RAB11FIP5: variants seen among roughly 807,000 people sequenced by gnomAD.
RAB11FIP5 encodes the protein RAB11 family interacting protein 5.
In RAB11FIP5, 48 loss-of-function variants were observed where a neutral mutation model predicts 85.1. The observed-to-expected ratio is 0.56, with a 90% CI of 0.45 to 0.72. The LOEUF (loss-of-function observed/expected upper bound fraction) is 0.72, where lower values mean the gene tolerates loss of function less well. RAB11FIP5 is among the 30% of genes least tolerant of loss of function. The pLI, the probability that RAB11FIP5 is intolerant of heterozygous loss-of-function variation, is 0.00. For missense variants in RAB11FIP5, 1,491 were observed against 1,687.0 expected, an observed-to-expected ratio of 0.88 and a Z score of 2.04; for synonymous variants, 729 against 727.3, an observed-to-expected ratio of 1.00 and a Z score of -0.04.
chr2:73,102,497 T>A (rs559681837), intron 1 of RAB11FIP5, among the ~76,000 whole-genome samples: 5 of 152,008 alleles, frequency 3.3e-5, no homozygotes, highest in East Asian at 3.9e-4. Context: ...TTAAAAAAAT[T>A]TTTTTTTAAG....
Position 73,078,415 on chromosome 2 carries a change from A to T in RAB11FIP5, c.3581+1236T>A, listed in dbSNP as rs13394310. Reference sequence around the variant, plus strand: ...ATTATTAGAGGTCATGCTGGCAGACAGCAGGGCCAGCCGAGGACACTGCAA... The same window carrying T: ...ATTATTAGAGGTCATGCTGGCAGACTGCAGGGCCAGCCGAGGACACTGCAA... On this transcript the variant is annotated intron_variant, in intron 4 of 5. Transcript: ENST00000486777. The surrounding 1 kb of genome is among the most constrained non-coding windows in gnomAD (Gnocchi z 4.4). Among the ~76,000 whole-genome samples, 4,640 of 152,296 alleles carry T rather than the reference A, an allele frequency of 0.03. 234 individuals are homozygous for T. The highest frequency in any genetic ancestry group is 0.11 in the African/African-American group (4,382 of 41,536).
chr2:73,079,230 G>A (rs560332013), intron 4 of RAB11FIP5, among the ~76,000 whole-genome samples: 3 of 152,070 alleles, frequency 2.0e-5, no homozygotes, highest in East Asian at 1.9e-4. Flanking sequence ...GCTCTGCCAC[G>A]GTCTGCCCCA....
At chr2:73,104,572 A>C (rs1684488482) in intron 1 of RAB11FIP5, among the ~76,000 whole-genome samples, 1 of 152,148 alleles carries the variant, frequency 6.6e-6, no homozygotes, top group Admixed American at 6.5e-5. Flanking sequence ...TGTCTCAAAA[A>C]ACAAAACAAA....
At position 73,076,114 on chromosome 2, in the gene RAB11FIP5, G is replaced by A; in HGVS notation, c.3650C>T (p.Ser1217Phe). The A allele has an allele frequency of 6.2e-7, 1 of 1,614,086 alleles. No individual in the cohort carries two copies. The change falls in exon 5 of 6, where the codon TCC becomes TTC. Residue 1217 changes from serine (S) to phenylalanine (F), a missense_variant. Ser to Phe is a radical substitution (Grantham distance 155). Transcript: ENST00000486777. ...EGSPDRKQSR[S>F]SLSIALSSGL... ...ACTGCTCAGGGCTATGCTCAGACTG[G>A]AGCGGGACTGCTTCCTGTCGGGGCT...
Position 73,076,048 on chromosome 2 carries a change from T to C in RAB11FIP5, c.3716A>G (p.Gln1239Arg), listed in dbSNP as rs772598182. ...KLKTVTSGSI[Q>R]PVTQAPQAGQ... ...AGCCTGGGGGGCCTGGGTCACAGGCTGAATGCTCCCAGATGTGACTGTTTT... is the reference window on the plus strand; with the variant it reads ...AGCCTGGGGGGCCTGGGTCACAGGCCGAATGCTCCCAGATGTGACTGTTTT... Residue 1239 changes from glutamine to arginine, a missense_variant, in exon 5 of 6, where the codon CAG (glutamine) becomes CGG (arginine). Physicochemically the swap from Gln to Arg is conservative, Grantham distance 43 (BLOSUM62 1). Around this residue, in one of 3 missense-constraint regions of RAB11FIP5, gnomAD observed 232 missense variants for 259.1 expected, o/e 0.90. Transcript: ENST00000486777. 1 of 1,614,132 alleles carries C rather than the reference T, an allele frequency of 6.2e-7. No individual in the cohort carries two copies. Among genetic ancestry groups the C allele is most frequent in the South Asian group, 1.1e-5 (1 of 91,088 alleles).
rs1559231134 is a variant in RAB11FIP5 at position 73,075,762 on chromosome 2, A to AGGCCTGCC, written c.3772-46_3772-39dup. 2 of 1,469,672 alleles carry AGGCCTGCC rather than the reference A, an allele frequency of 1.4e-6. No homozygotes were observed. Among genetic ancestry groups the AGGCCTGCC allele is most frequent in the Non-Finnish European group, 1.8e-6 (2 of 1,101,032 alleles). The allele number at this position is 1,469,672 out of a possible 1,614,324, so 91.0% of individuals were successfully genotyped here. On this transcript the variant is annotated intron_variant, in intron 5 of 5. Transcript: ENST00000486777. This position sits in a 1 kb window ranked among gnomAD's most constrained non-coding sequence, Gnocchi z 4.6. ...CGAAGACAGTGAGCAGGGCAGCCCT[A>AGGCCTGCC]GGCCTGCCTGCCTGCCTGCCCGCTT...
At chr2:73,083,416 CG>C in intron 3 of RAB11FIP5, among the ~76,000 whole-genome samples, 1 of 152,156 alleles carries the variant, frequency 6.6e-6, no homozygotes, top group Non-Finnish European at 1.5e-5. Flanking sequence ...AGGGATTTCT[CG>C]TAAGAATCAG....
At position 73,075,155 on chromosome 2, in the gene RAB11FIP5, T is replaced by C; in HGVS notation, c.*366A>G. ...GAAATGGCTGACCATCCTTGGGGGA[T>C]AATAAAGTATGTGCTAGCAACCAGT... On this transcript the variant is annotated 3_prime_UTR_variant, in exon 6 of 6. Transcript: ENST00000486777. The surrounding 1 kb of genome is among the most constrained non-coding windows in gnomAD (Gnocchi z 4.6). 2.0e-6 allele frequency: 1 copy of C among 497,798 alleles called. No individual in the cohort carries two copies. Among genetic ancestry groups the C allele is most frequent in the African/African-American group, 1.9e-5 (1 of 52,084 alleles). The allele number at this position is 497,798 out of a possible 1,614,324, so 30.8% of individuals were successfully genotyped here.
chr2:73,091,426 C>A (rs115491478), intron 1 of RAB11FIP5, among the ~76,000 whole-genome samples: 1 of 152,030 alleles, frequency 6.6e-6, no homozygotes, highest in East Asian at 1.9e-4. Context: ...GGCTCAAAGT[C>A]CCTTGGTGAC....
chr2:73,096,136 C>CA (rs1417394315), intron 1 of RAB11FIP5, among the ~76,000 whole-genome samples: 7 of 152,238 alleles, frequency 4.6e-5, no homozygotes, highest in African/African-American at 1.7e-4. Flanking sequence ...AGCCTCCCCC[C>CA]ACCCACCACC....
At chr2:73,100,203 T>C (rs993677762) in intron 1 of RAB11FIP5, among the ~76,000 whole-genome samples, 1 of 151,948 alleles carries the variant, frequency 6.6e-6, no homozygotes, top group East Asian at 1.9e-4. Context: ...AATCAGGTGA[T>C]AGGGAGGAAA....
In RAB11FIP5 at chr2:73,080,436, T is replaced by C; in HGVS notation, c.2796A>G (p.Thr932=). The change falls in exon 4 of 6, where the codon ACA becomes ACG. Residue 932 remains threonine, a synonymous_variant. Coordinates refer to ENST00000486777, the MANE Select transcript of RAB11FIP5 (RefSeq NM_001371272.1). ...CACTTGGGGAGGCATCTTCTCCCTC[T>C]GTCTCCGGCCCCCTGTTACTCAGCC... ...AVGLSNRGPE[T]EGEDASPSAL... 1 of 1,233,586 alleles carries C rather than the reference T, an allele frequency of 8.1e-7. No individual in the cohort carries two copies. Among genetic ancestry groups the C allele is most frequent in the Non-Finnish European group, 1.0e-6 (1 of 988,706 alleles). 76.4% of individuals were successfully genotyped at this position (1,233,586 alleles called of 1,614,324 possible).
At chr2:73,100,270 T>C (rs768640937) in intron 1 of RAB11FIP5, among the ~76,000 whole-genome samples, 5 of 152,160 alleles carry the variant, frequency 3.3e-5, no homozygotes, top group Non-Finnish European at 7.3e-5. Flanking sequence ...GACAGTGATA[T>C]GCCGTTTCAA....
intron 3 of RAB11FIP5, among the ~76,000 whole-genome samples, chr2:73,087,626 G>C (rs536198077): frequency 6.6e-6 from 1 of 152,320 alleles, no homozygotes; most frequent in East Asian, 1.9e-4. Flanking sequence ...TAGCTCCAGA[G>C]AGGGGAAGGG....
intron 1 of RAB11FIP5, among the ~76,000 whole-genome samples, chr2:73,097,840 T>C (rs908346713): frequency 6.6e-6 from 1 of 152,182 alleles, no homozygotes; most frequent in Admixed American, 6.5e-5. Context: ...CCCAACCAGA[T>C]GTGGGACGCA....
Position 73,080,367 on chromosome 2 carries a change from C to T in RAB11FIP5, c.2865G>A (p.Lys955=), listed in dbSNP as rs1411216294. 1.1e-5 allele frequency: 13 copies of T among 1,232,826 alleles called. No individual in the cohort carries two copies. The allele number at this position is 1,232,826 out of a possible 1,614,324, so 76.4% of individuals were successfully genotyped here. A position where few individuals can be genotyped will look rare whatever the true frequency, so the allele number is the denominator to read the frequency against. The change falls in exon 4 of 6, where the codon AAG becomes AAA. Residue 955 remains lysine, a synonymous_variant. Transcript: ENST00000486777. The part of the protein sequence containing the change: ...GPPETKEEGE[K]RESEESDSCS... The stretch of plus-strand genomic sequence containing the variant: ...AGCTGTCAGACTCCTCCGACTCACG[C>T]TTCTCTCCCTCCTCCTTGGTCTCCG...
At position 73,076,069 on chromosome 2, in the gene RAB11FIP5, G is replaced by A. The variant is rs766809325; in HGVS notation, c.3695C>T (p.Thr1232Ile). ...ALSSGLEKLK[T>I]VTSGSIQPVT... ...AGGCTGAATGCTCCCAGATGTGACT[G>A]TTTTGAGCTTCTCCAGCCCACTGCT... is the stretch of plus-strand genomic sequence containing the variant. The change falls in exon 5 of 6, where the codon ACA (threonine) becomes ATA (isoleucine). Residue 1232 changes from threonine to isoleucine, a missense_variant. Coordinates refer to ENST00000486777, the MANE Select transcript of RAB11FIP5 (RefSeq NM_001371272.1). The A allele has an allele frequency of 1.9e-6, 3 of 1,614,040 alleles. No homozygotes were observed. Among genetic ancestry groups the A allele is most frequent in the African/African-American group, 1.3e-5 (1 of 74,938 alleles).
At chr2:73,091,585 G>A (rs1684211754) in intron 1 of RAB11FIP5, among the ~76,000 whole-genome samples, 1 of 152,156 alleles carries the variant, frequency 6.6e-6, no homozygotes, top group Non-Finnish European at 1.5e-5. Context: ...AGTGGGGTGT[G>A]GGGAGCCTTT....
chr2:73,094,772 G>GTCCC (rs1684285755), intron 1 of RAB11FIP5, among the ~76,000 whole-genome samples: 2 of 152,102 alleles, frequency 1.3e-5, no homozygotes, highest in Admixed American at 1.3e-4. Flanking sequence ...GCCTTCCCAA[G>GTCCC]TCCCGAGGAC....
Sources: allele counts gnomAD v4.1 joint callset (sites outside exome capture counted in the v4.1 genomes callset), GRCh38; gene constraint gnomAD v4.1.1; regional missense constraint gnomAD v4.1.1; non-coding constraint Gnocchi (gnomAD v3.1); transcripts MANE v1.5; gene names NCBI Gene and HGNC (gene_info 2026-07-23, HGNC 2026-07-21).